Variants in CDK13 observed in about 807,000 individuals in gnomAD.
CDK13 encodes the protein cyclin dependent kinase 13.
CDK13 carries 40 observed loss-of-function variants against 137.6 expected under a neutral mutation model. The observed-to-expected ratio is 0.29, with a 90% confidence interval of 0.23 to 0.38. The LOEUF (loss-of-function observed/expected upper bound fraction) is 0.38, where lower values mean the gene tolerates loss of function less well. Among genes scored for constraint, CDK13 ranks in the 10% least tolerant of loss-of-function variants. The pLI, the probability that CDK13 is intolerant of heterozygous loss-of-function variation, is 1.00. For synonymous variants in CDK13, 869 were observed against 760.1 expected (o/e 1.14, Z -2.36); for missense variants, 1,704 against 1,951.8 (o/e 0.87, Z 2.39).
intron 2 of CDK13, among the ~76,000 whole-genome samples, chr7:39,990,135 C>T (rs1784428461): frequency 6.6e-6 from 1 of 152,250 alleles, no homozygotes; most frequent in South Asian, 2.1e-4. Flanking sequence ...AGGTTATTTT[C>T]AAGAACTCTT....
At chr7:40,052,076 C>G (rs1562750551) in intron 7 of CDK13, among the ~76,000 whole-genome samples, 1 of 152,166 alleles carries the variant, frequency 6.6e-6, no homozygotes, top group Non-Finnish European at 1.5e-5. Flanking sequence ...GATGGAGTAT[C>G]TTTCTCTCTT....
At chr7:40,022,947 T>C (rs1785158866) in intron 5 of CDK13, among the ~76,000 whole-genome samples, 1 of 152,018 alleles carries the variant, frequency 6.6e-6, no homozygotes, top group Admixed American at 6.6e-5. Context: ...TTCTTTTACT[T>C]GTTTTCTCAA....
chr7:40,093,313 T>G, intron 13 of CDK13, 76 bp downstream of exon 13: 1 of 1,221,556 alleles, frequency 8.2e-7, no homozygotes, highest in Non-Finnish European at 1.1e-6. Context: ...ATATATAATG[T>G]GTATAGTTCA....
intron 2 of CDK13, 101 bp downstream of exon 2, chr7:39,988,359 G>A: frequency 1.3e-6 from 1 of 799,944 alleles, no homozygotes; most frequent in South Asian, 2.0e-5. Context: ...AACAACTTTA[G>A]TGAAAAAGAC....
chr7:39,981,695 T>C (rs1424266247), intron 1 of CDK13, among the ~76,000 whole-genome samples: 19 of 152,086 alleles, frequency 1.2e-4, no homozygotes, highest in Non-Finnish European at 1.5e-5. Flanking sequence ...GGAACTTTTG[T>C]AGAGAAATAA....
rs149028769 is a variant in CDK13, at chr7:39,987,799, C to T, written c.1412C>T (p.Ala471Val). 34 of 1,613,646 alleles carry T rather than the reference C, an allele frequency of 2.1e-5. No homozygotes were observed. The Admixed American group carries it at 2.5e-4, about 12-fold the overall frequency. The change falls in exon 2 of 14, where the codon GCG (alanine) becomes GTG (valine). Residue 471 changes from alanine (A) to valine (V), a missense_variant. Ala to Val is a moderately conservative substitution (Grantham distance 64, BLOSUM62 0). Around this residue, in one of 5 missense-constraint regions of CDK13, gnomAD observed 1,051 missense variants for 931.0 expected, o/e 1.13. Transcript: ENST00000181839. ...GAGGCAGCAAGAGCCGCAGAAGCAG[C>T]GAAAGCTGCAGAAGCAACTAAGGCT... ...AAEAARAAEA[A>V]KAAEATKAAE...
intron 1 of CDK13, chr7:39,952,653 T>C (rs988068716): frequency 1.3e-5 from 2 of 152,210 alleles, no homozygotes; most frequent in Non-Finnish European, 2.9e-5. Flanking sequence ...TATACTATTA[T>C]AAGCCTGTAA....
chr7:40,089,431 C>T lies in CDK13; in HGVS notation c.3235+1100C>T, dbSNP rs1379318086. 1.5e-4 allele frequency among the ~76,000 whole-genome samples: 14 copies of T among 91,470 alleles called. No homozygotes were observed. In the Admixed American group the frequency reaches 1.7e-3, roughly 11 times the overall value. 60.0% of individuals were successfully genotyped at this position (91,470 alleles called of 152,430 possible). A position where few individuals can be genotyped will look rare whatever the true frequency, so the allele number is the denominator to read the frequency against. ...CTCCAGCCTGGGTGACAGAGCGAGA[C>T]TGTCTCAAAAAAAAAAAAAAAAAGG... On this transcript the variant is annotated intron_variant, in intron 12 of 13. Transcript: ENST00000181839.
At chr7:40,074,109 C>G (rs958050903) in intron 9 of CDK13, among the ~76,000 whole-genome samples, 10 of 152,096 alleles carry the variant, frequency 6.6e-5, no homozygotes, top group South Asian at 6.2e-4. Context: ...CCCATCTTGC[C>G]GAGCCTAGTC....
At chr7:40,019,219 G>T (rs1052732992) in intron 5 of CDK13, among the ~76,000 whole-genome samples, 1 of 152,128 alleles carries the variant, frequency 6.6e-6, no homozygotes, top group Non-Finnish European at 1.5e-5. Flanking sequence ...GTCTTAATGG[G>T]TACATACCTA....
chr7:40,033,444 CG>C (rs1562740117), intron 5 of CDK13, among the ~76,000 whole-genome samples: 1 of 152,094 alleles, frequency 6.6e-6, no homozygotes, highest in African/African-American at 2.4e-5. Flanking sequence ...TGTGTTTTAG[CG>C]TGCTTTAAAA....
chr7:40,025,190 C>A (rs943494265), intron 5 of CDK13, among the ~76,000 whole-genome samples: 1 of 151,998 alleles, frequency 6.6e-6, no homozygotes, highest in Non-Finnish European at 1.5e-5. Context: ...CAGGTTTTAT[C>A]TTTTGGGATA....
At chr7:39,982,645 G>C in intron 1 of CDK13, among the ~76,000 whole-genome samples, 1 of 152,164 alleles carries the variant, frequency 6.6e-6, no homozygotes, top group Non-Finnish European at 1.5e-5. Context: ...GTGTAAAAGT[G>C]TTCCTATTTC....
intron 2 of CDK13, among the ~76,000 whole-genome samples, chr7:39,995,904 G>GGAGGCTGAGGC (rs1275590935): frequency 6.6e-6 from 1 of 152,160 alleles, no homozygotes; most frequent in Non-Finnish European, 1.5e-5. Context: ...CAGCTACTCA[G>GGAGGCTGAGGC]GAGGCTGAGG....
Position 40,094,278 on chromosome 7 carries a change from A to G in CDK13, c.3837A>G (p.Thr1279=). 1 of 1,612,764 alleles carries G rather than the reference A, an allele frequency of 6.2e-7. No homozygotes were observed. The highest frequency in any genetic ancestry group is 8.5e-7 in the Non-Finnish European group (1 of 1,179,408). Residue 1279 remains threonine (T), a synonymous_variant, in exon 14 of 14, where the codon ACA becomes ACG. Coordinates refer to ENST00000181839, the MANE Select transcript of CDK13 (RefSeq NM_003718.5). ...CTGAGGAAGATCTAGATTATCGGAC[A>G]GAAAACCAGCATGTACCCACCACCA... is the stretch of plus-strand genomic sequence containing the variant. ...PVTEEDLDYR[T]ENQHVPTTSS...
At chr7:40,029,647 A>G (rs1237367112) in intron 5 of CDK13, among the ~76,000 whole-genome samples, 1 of 150,300 alleles carries the variant, frequency 6.7e-6, no homozygotes, top group African/African-American at 2.5e-5. Context: ...GAGAGAAAAG[A>G]TTCTTTTTTT....
chr7:40,040,362 T>C (rs10046564), intron 5 of CDK13, among the ~76,000 whole-genome samples: 40,675 of 152,202 alleles, frequency 0.27, 6,573 homozygotes, highest in Middle Eastern at 0.45. Flanking sequence ...TATGTGGATA[T>C]ATTTCTGAAT....
intron 5 of CDK13, among the ~76,000 whole-genome samples, chr7:40,009,364 G>T (rs1488846126): frequency 6.6e-6 from 1 of 152,128 alleles, no homozygotes; most frequent in Non-Finnish European, 1.5e-5. Context: ...TTTATGCTTG[G>T]ATATTCTAGC....
In CDK13 at chr7:39,989,515, T is replaced by C. The variant is rs571916679; in HGVS notation, c.1871+1257T>C. Among the ~76,000 whole-genome samples the C allele has an allele frequency of 8.4e-4, 128 of 152,254 alleles. 1 individual carries two copies. Among genetic ancestry groups the C allele is most frequent in the Non-Finnish European group, 1.5e-3 (101 of 68,018 alleles). On this transcript the variant is annotated intron_variant, in intron 2 of 13. Transcript: ENST00000181839. Reference sequence around the variant, plus strand: ...AACACAAACAAAAGTGAAATAATAATTCTTGAGTTTCATGCCCTTTGAGGT... The same window carrying C: ...AACACAAACAAAAGTGAAATAATAACTCTTGAGTTTCATGCCCTTTGAGGT...
Sources: gnomAD v4.1 joint callset for allele counts (sites outside exome capture counted in the v4.1 genomes callset) on GRCh38, gnomAD v4.1.1 for gene constraint, gnomAD v4.1.1 regional missense constraint, MANE v1.5 for transcripts, NCBI Gene and HGNC (gene_info 2026-07-23, HGNC 2026-07-21) for gene names.